The following ATP1A1 variants were observed in gnomAD, a reference collection of about 807,000 sequenced individuals.
The protein encoded by ATP1A1 is ATPase Na+/K+ transporting subunit alpha 1, also known as sodium/potassium-transporting ATPase subunit alpha-1.
In ATP1A1, 14 loss-of-function variants were observed where a neutral mutation model predicts 114.8. The ratio of observed to expected loss-of-function variants is 0.12; its 90% CI spans 0.08 to 0.19. The LOEUF (loss-of-function observed/expected upper bound fraction) is 0.19. Ranked by LOEUF, ATP1A1 falls within the 10% of genes least tolerant of loss-of-function variation. ATP1A1 has a pLI of 1.00. For synonymous variants in ATP1A1, 471 were observed against 466.3 expected (o/e 1.01, Z -0.13); for missense variants, 524 against 1,290.7 (o/e 0.41, Z 9.10).
intron 18 of ATP1A1, among the ~76,000 whole-genome samples, 191 bp from the exon 19 acceptor site, chr1:116,400,670 A>G (rs917657375): frequency 5.3e-5 from 8 of 152,206 alleles, no homozygotes; most frequent in African/African-American, 1.4e-4. Flanking sequence ...ATTGGAGTGT[A>G]TGCCTGGGGT....
rs781629728 is a variant in ATP1A1, at chr1:116,400,864, T to C, written c.2576T>C (p.Met859Thr). The C allele has an allele frequency of 6.2e-7, 1 of 1,614,204 alleles. No homozygotes were observed. Among genetic ancestry groups the C allele is most frequent in the South Asian group, 1.1e-5 (1 of 91,080 alleles). Residue 859 changes from methionine to threonine, a missense_variant, in exon 19 of 23, where the codon ATG (methionine) becomes ACG (threonine). Met to Thr is a moderately conservative substitution (Grantham distance 81). This residue lies in a region of ATP1A1 where 84 missense variants were observed against 209.3 expected (regional missense o/e 0.40). Transcript: ENST00000295598. ...LISMAYGQIG[M>T]IQALGGFFTY... is the part of the protein sequence containing the mutation. ...TTGGGTTGTTTTCCCAACTTAGGAA[T>C]GATCCAGGCCCTGGGAGGCTTCTTT...
chr1:116,399,245 A>T lies in ATP1A1; in HGVS notation c.2448+161A>T. 2 of 1,344,034 alleles carry T rather than the reference A, an allele frequency of 1.5e-6. No homozygotes were observed. Among genetic ancestry groups the T allele is most frequent in the South Asian group, 2.8e-5 (2 of 70,824 alleles). 83.3% of individuals were successfully genotyped at this position (1,344,034 alleles called of 1,614,324 possible). Reference sequence around the variant, plus strand: ...CCAATCCCGGCTTCACAGAATCAGTATTACCACTCTTCAAGGCAGCAGTTA... The same window carrying T: ...CCAATCCCGGCTTCACAGAATCAGTTTTACCACTCTTCAAGGCAGCAGTTA... On this transcript the variant is annotated intron_variant, in intron 17 of 22. Transcript: ENST00000295598. This position sits in a 1 kb window ranked among gnomAD's most constrained non-coding sequence, Gnocchi z 5.0.
chr1:116,389,348 T>G lies in ATP1A1; in HGVS notation c.755-91T>G, dbSNP rs1652295195. 1 of 1,519,136 alleles carries G rather than the reference T, an allele frequency of 6.6e-7. No homozygotes were observed. The highest frequency in any genetic ancestry group is 8.9e-7 in the Non-Finnish European group (1 of 1,126,266). The allele number at this position is 1,519,136 out of a possible 1,614,324, so 94.1% of individuals were successfully genotyped here. On this transcript the variant is annotated intron_variant, in intron 7 of 22. Coordinates refer to ENST00000295598, the MANE Select transcript of ATP1A1 (RefSeq NM_000701.8). This position sits in a 1 kb window ranked among gnomAD's most constrained non-coding sequence, Gnocchi z 6.9. Reference sequence around the variant, plus strand: ...AGTGCTTTTATCAACTCTTTTTGTTTTTTTAGTCATCCTATGTAATTGTGT... The same window carrying G: ...AGTGCTTTTATCAACTCTTTTTGTTGTTTTAGTCATCCTATGTAATTGTGT...
rs1653798560 is a variant in ATP1A1, at chr1:116,404,395, C to G, written c.3044-21C>G. On this transcript the variant is annotated intron_variant, in intron 22 of 22. Transcript: ENST00000295598. This position sits in a 1 kb window ranked among gnomAD's most constrained non-coding sequence, Gnocchi z 4.8. ...GAAGACTCACTGTAGTGTGTCTTGT[C>G]TGTCTCTTTGCCACCCACAGGCTGG... 6.2e-7 allele frequency: 1 copy of G among 1,613,750 alleles called. No individual in the cohort carries two copies. The highest frequency in any genetic ancestry group is 8.5e-7 in the Non-Finnish European group (1 of 1,179,892).
At position 116,393,642 on chromosome 1, in the gene ATP1A1, G is replaced by A. The variant is rs1370663382; in HGVS notation, c.1579G>A (p.Glu527Lys). 3 of 1,614,190 alleles carry A rather than the reference G, an allele frequency of 1.9e-6. No homozygotes were observed. In the Admixed American group the frequency reaches 5.0e-5, roughly 27 times the overall value. The change falls in exon 12 of 23, where the codon GAG becomes AAG. Residue 527 changes from glutamate (E) to lysine (K), a missense_variant. Around this residue, in one of 8 missense-constraint regions of ATP1A1, gnomAD observed 143 missense variants for 259.3 expected, o/e 0.55. Transcript: ENST00000295598. The surrounding 1 kb of genome is among the most constrained non-coding windows in gnomAD (Gnocchi z 5.0). ...CAGCTCTATCCTCCTCCACGGCAAG[G>A]AGCAGCCCCTGGATGAGGAGCTGAA... ...RCSSILLHGKEQPLDEELKDA... is the reference protein window; with the variant it reads ...RCSSILLHGKKQPLDEELKDA...
intron 18 of ATP1A1, among the ~76,000 whole-genome samples, chr1:116,400,627 C>T (rs962540216): frequency 2.6e-5 from 4 of 152,112 alleles, no homozygotes; most frequent in African/African-American, 9.7e-5. Context: ...GTGTAGGCTC[C>T]AAAAAGTGAC....
intron 1 of ATP1A1, among the ~76,000 whole-genome samples, chr1:116,380,936 A>C (rs148264479): frequency 4.5e-4 from 68 of 152,180 alleles, no homozygotes; most frequent in Non-Finnish European, 8.1e-4. Context: ...GGGGAAAAAA[A>C]AAAACCATAA....
At chr1:116,383,773 C>CA (rs1447962804) in intron 1 of ATP1A1, among the ~76,000 whole-genome samples, 1 of 152,190 alleles carries the variant, frequency 6.6e-6, no homozygotes, top group East Asian at 1.9e-4. Context: ...CTACCGGTAG[C>CA]TTCAGTATTG....
chr1:116,378,397 A>G (rs10924074), intron 1 of ATP1A1, among the ~76,000 whole-genome samples: 13,085 of 152,216 alleles, frequency 0.086, 1,318 homozygotes, highest in African/African-American at 0.25. Flanking sequence ...AGTAATGACT[A>G]TTGGCTGTCT....
At chr1:116,383,315 TG>T in intron 1 of ATP1A1, 1 of 1,073,548 alleles carries the variant, frequency 9.3e-7, no homozygotes, top group South Asian at 2.3e-5. Context: ...CTTTTTAATA[TG>T]GGAAGCTGGT....
intron 1 of ATP1A1, 134 bp downstream of exon 1, chr1:116,373,657 C>G: frequency 2.7e-6 from 3 of 1,114,152 alleles, no homozygotes; most frequent in Non-Finnish European, 3.6e-6. Flanking sequence ...GCTGGCAGAG[C>G]CGCGCGGCTT....
At chr1:116,380,499 A>G (rs940536841) in intron 1 of ATP1A1, among the ~76,000 whole-genome samples, 1 of 152,194 alleles carries the variant, frequency 6.6e-6, no homozygotes, top group African/African-American at 2.4e-5. Context: ...ACCTGAAGCA[A>G]TATACCTCTG....
At position 116,393,011 on chromosome 1, in the gene ATP1A1, G is replaced by T; in HGVS notation, c.1467+23G>T. ...CAGGTCTGAAGATCGATGGGTACACGGAGGGCGAGGGCAAGCTGGGGGACA... is the reference window on the plus strand; with the variant it reads ...CAGGTCTGAAGATCGATGGGTACACTGAGGGCGAGGGCAAGCTGGGGGACA... On this transcript the variant is annotated intron_variant, in intron 11 of 22. Transcript: ENST00000295598. The surrounding 1 kb of genome is among the most constrained non-coding windows in gnomAD (Gnocchi z 5.0). 6.2e-7 allele frequency: 1 copy of T among 1,612,318 alleles called. No individual in the cohort carries two copies. Among genetic ancestry groups the T allele is most frequent in the Non-Finnish European group, 8.5e-7 (1 of 1,179,060 alleles).
intron 10 of ATP1A1, among the ~76,000 whole-genome samples, chr1:116,392,081 C>G (rs1195559293): frequency 6.6e-6 from 1 of 152,248 alleles, no homozygotes; most frequent in African/African-American, 2.4e-5. Flanking sequence ...GAGCATTGAT[C>G]TGTTCATCTG....
At chr1:116,374,236 T>G (rs1651201749) in intron 1 of ATP1A1, 1 of 1,551,690 alleles carries the variant, frequency 6.4e-7, no homozygotes, top group Non-Finnish European at 8.7e-7. Flanking sequence ...TAAGATGGCC[T>G]TTAAGGTATA....
chr1:116,375,451 A>G lies in ATP1A1; in HGVS notation c.12+1928A>G, dbSNP rs537871386. Among the ~76,000 whole-genome samples the G allele has an allele frequency of 1.1e-4, 17 of 152,382 alleles. No homozygotes were observed. The East Asian group carries it at 2.9e-3, about 26-fold the overall frequency. On this transcript the variant is annotated intron_variant, in intron 1 of 22. Transcript: ENST00000295598. ...AGATGTCTCCTTTATAACCACACACAGGCACACATGCACAGTAGTGATGCG... is the reference window on the plus strand; with the variant it reads ...AGATGTCTCCTTTATAACCACACACGGGCACACATGCACAGTAGTGATGCG...
At chr1:116,373,972 C>T (rs1651176902) in intron 1 of ATP1A1, 2 of 1,378,672 alleles carry the variant, frequency 1.5e-6, no homozygotes, top group South Asian at 1.7e-5. Context: ...GCCCTCCGTG[C>T]CCTGAGGAAA....
rs762636890 is a variant in ATP1A1, at chr1:116,389,734, A to T, written c.1023+27A>T. Reference sequence around the variant, plus strand: ...TAAGAGGCAGGTGATGGTCACCCTGACTCAGATCAGCTTGCACGAATGTTA... The same window carrying T: ...TAAGAGGCAGGTGATGGTCACCCTGTCTCAGATCAGCTTGCACGAATGTTA... On this transcript the variant is annotated intron_variant, in intron 8 of 22. Transcript: ENST00000295598. This position sits in a 1 kb window ranked among gnomAD's most constrained non-coding sequence, Gnocchi z 6.9. 7 of 1,612,770 alleles carry T rather than the reference A, an allele frequency of 4.3e-6. No homozygotes were observed. In the East Asian group the frequency reaches 1.6e-4, roughly 36 times the overall value.
chr1:116,404,383 AGT>A lies in ATP1A1; in HGVS notation c.3044-28_3044-27del, dbSNP rs774839526. On this transcript the variant is annotated intron_variant, in intron 22 of 22. Transcript: ENST00000295598. This position sits in a 1 kb window ranked among gnomAD's most constrained non-coding sequence, Gnocchi z 4.8. ...TGCTGGAGCGAGGAAGACTCACTGT[AGT>A]GTGTCTTGTCTGTCTCTTTGCCACC... 25 of 1,613,536 alleles carry A rather than the reference AGT, an allele frequency of 1.5e-5. No individual in the cohort carries two copies. The highest frequency in any genetic ancestry group is 1.9e-5 in the Non-Finnish European group (23 of 1,179,656).
Sources: allele counts gnomAD v4.1 joint callset (sites outside exome capture counted in the v4.1 genomes callset), GRCh38; gene constraint gnomAD v4.1.1; regional missense constraint gnomAD v4.1.1; non-coding constraint Gnocchi (gnomAD v3.1); transcripts MANE v1.5; gene names NCBI Gene and HGNC (gene_info 2026-07-23, HGNC 2026-07-21).